The following BIRC2 variants were observed in gnomAD, a reference collection of about 807,000 sequenced individuals.
The protein encoded by BIRC2 is baculoviral IAP repeat containing 2.
In BIRC2, 18 loss-of-function variants were observed where a neutral mutation model predicts 60.9. The observed-to-expected ratio is 0.30, with a 90% CI of 0.20 to 0.44. The LOEUF is 0.44. BIRC2 is among the 20% of genes least tolerant of loss of function. The probability of loss-of-function intolerance (pLI) is 1.00; values close to 1 mark genes in which losing one functional copy is unlikely to be tolerated. For synonymous variants in BIRC2, 282 were observed against 247.7 expected, an observed-to-expected ratio of 1.14 and a Z score of -1.30; for missense variants, 701 against 728.5, an observed-to-expected ratio of 0.96 and a Z score of 0.43.
Position 102,350,495 on chromosome 11 carries a change from C to G in BIRC2, c.641C>G (p.Pro214Arg). 1.2e-6 allele frequency: 2 copies of G among 1,614,140 alleles called. No individual in the cohort carries two copies. Among genetic ancestry groups the G allele is most frequent in the Non-Finnish European group, 1.7e-6 (2 of 1,180,038 alleles). ...AGAGCTGGTTTTTATTATATAGGAC[C>G]TGGAGATAGGGTAGCCTGCTTTGCC... The part of the protein sequence containing the change: ...LARAGFYYIG[P>R]GDRVACFACG... The change falls in exon 2 of 9, where the codon CCT becomes CGT. Residue 214 changes from proline (P) to arginine (R), a missense_variant. Around this residue, in one of 4 missense-constraint regions of BIRC2, gnomAD observed 375 missense variants for 365.9 expected, o/e 1.02. Coordinates refer to ENST00000227758, the MANE Select transcript of BIRC2 (RefSeq NM_001166.5).
At chr11:102,364,174 T>TGTATATATAC (rs1951522988) in intron 5 of BIRC2, among the ~76,000 whole-genome samples, 1 of 78,120 alleles carries the variant, frequency 1.3e-5, no homozygotes. Flanking sequence ...TATATATATA[T>TGTATATATAC]ACACACACAC....
At chr11:102,352,882 G>A (rs985755754) in intron 3 of BIRC2, among the ~76,000 whole-genome samples, 7 of 151,966 alleles carry the variant, frequency 4.6e-5, no homozygotes, top group African/African-American at 1.7e-4. Flanking sequence ...AAAAGTTTTC[G>A]TCATTTTGTA....
chr11:102,351,636 AAG>A (rs1555046372), intron 3 of BIRC2, among the ~76,000 whole-genome samples: 3 of 149,750 alleles, frequency 2.0e-5, no homozygotes, highest in East Asian at 1.9e-4. Context: ...AAAAAAAAAA[AAG>A]AAAAAAGCAT....
chr11:102,377,890 A>G lies in BIRC2; in HGVS notation c.1655A>G (p.Asp552Gly). The G allele has an allele frequency of 6.2e-7, 1 of 1,611,032 alleles. No individual in the cohort carries two copies. The highest frequency in any genetic ancestry group is 1.1e-5 in the South Asian group (1 of 90,076). The change falls in exon 8 of 9, where the codon GAT becomes GGT. Residue 552 changes from aspartate to glycine, a missense_variant. Physicochemically the swap from Asp to Gly is moderately conservative, Grantham distance 94. Coordinates refer to ENST00000227758, the MANE Select transcript of BIRC2 (RefSeq NM_001166.5). ...DKNMKYIPTEDVSGLSLEEQL... is the reference protein window; with the variant it reads ...DKNMKYIPTEGVSGLSLEEQL... ...AATATGAAGTATATTCCAACAGAAG[A>G]TGTTTCAGGTAAAACAAAGATTTAA...
At chr11:102,364,170 TATATAC>T (rs1297858586) in intron 5 of BIRC2, among the ~76,000 whole-genome samples, 1 of 88,686 alleles carries the variant, frequency 1.1e-5, no homozygotes, top group African/African-American at 5.9e-5. Context: ...TATATATATA[TATATAC>T]ACACACACAC....
At chr11:102,362,218 A>G (rs925308453) in intron 3 of BIRC2, among the ~76,000 whole-genome samples, 2 of 151,900 alleles carry the variant, frequency 1.3e-5, no homozygotes, top group Admixed American at 6.6e-5. Context: ...CATTTTTACT[A>G]TTTTTGCATA....
chr11:102,371,562 G>A (rs1291080302), intron 6 of BIRC2, among the ~76,000 whole-genome samples: 9 of 147,386 alleles, frequency 6.1e-5, no homozygotes, highest in Admixed American at 2.0e-4. Context: ...TGCTGGATTC[G>A]TTTTGCCAGT....
At chr11:102,361,113 G>A (rs978916139) in intron 3 of BIRC2, among the ~76,000 whole-genome samples, 2 of 151,908 alleles carry the variant, frequency 1.3e-5, no homozygotes, top group African/African-American at 4.8e-5. Context: ...TGTGTTGGTG[G>A]AGGTGGCAGC....
rs1235055086 is a variant in BIRC2 at position 102,368,407 on chromosome 11, G to A, written c.1225G>A (p.Val409Met). ...ALEMGFNRDL[V>M]KQTVQSKILT... ...GGAAATGGGCTTTAATAGAGACCTG[G>A]TGAAACAAACAGTTCAAAGTAAAAT... The change falls in exon 6 of 9, where the codon GTG (valine) becomes ATG (methionine). Residue 409 changes from valine to methionine, a missense_variant. This residue lies in a region of BIRC2 where 235 missense variants were observed against 208.9 expected (regional missense o/e 1.12). Coordinates refer to ENST00000227758, the MANE Select transcript of BIRC2 (RefSeq NM_001166.5). 1 of 1,614,012 alleles carries A rather than the reference G, an allele frequency of 6.2e-7. No homozygotes were observed. Among genetic ancestry groups the A allele is most frequent in the Admixed American group, 1.7e-5 (1 of 60,022 alleles).
At chr11:102,364,667 G>A (rs1234434807) in intron 5 of BIRC2, among the ~76,000 whole-genome samples, 1 of 152,194 alleles carries the variant, frequency 6.6e-6, no homozygotes, top group Non-Finnish European at 1.5e-5. Context: ...AGCATTTCAA[G>A]AAAGATTGGC....
At chr11:102,362,524 G>T (rs1315341925) in intron 3 of BIRC2, among the ~76,000 whole-genome samples, 1 of 152,196 alleles carries the variant, frequency 6.6e-6, no homozygotes, top group Non-Finnish European at 1.5e-5. Flanking sequence ...TATTGTGAAA[G>T]ATCACATTTT....
At chr11:102,358,709 C>T (rs1951450524) in intron 3 of BIRC2, among the ~76,000 whole-genome samples, 1 of 152,168 alleles carries the variant, frequency 6.6e-6, no homozygotes, top group African/African-American at 2.4e-5. Flanking sequence ...TGGCCCCTTT[C>T]TCATTATATA....
Position 102,378,289 on chromosome 11 carries a change from A to G in BIRC2, c.*106A>G, listed in dbSNP as rs1375892534. On this transcript the variant is annotated 3_prime_UTR_variant, in exon 9 of 9. Transcript: ENST00000227758. ...GGGAATTATGAGTTTTTCAATTAGT[A>G]ACATTCATGTTCTAGTCTGCTTTGG... 1.0e-5 allele frequency: 9 copies of G among 873,948 alleles called. No homozygotes were observed. In the African/African-American group the frequency reaches 1.2e-4, roughly 12 times the overall value. 54.1% of individuals were successfully genotyped at this position (873,948 alleles called of 1,614,324 possible).
chr11:102,354,297 C>A (rs1214358471), intron 3 of BIRC2, among the ~76,000 whole-genome samples: 1 of 152,170 alleles, frequency 6.6e-6, no homozygotes, highest in Non-Finnish European at 1.5e-5. Flanking sequence ...GCAATCTCCA[C>A]CTCCTGGCTT....
Position 102,349,846 on chromosome 11 carries a change from C to T in BIRC2, c.-9C>T, listed in dbSNP as rs1951333176. The T allele has an allele frequency of 2.5e-6, 4 of 1,590,800 alleles. No individual in the cohort carries two copies. The highest frequency in any genetic ancestry group is 3.4e-6 in the Non-Finnish European group (4 of 1,168,236). On this transcript the variant is annotated 5_prime_UTR_variant, in exon 2 of 9. Coordinates refer to ENST00000227758, the MANE Select transcript of BIRC2 (RefSeq NM_001166.5). ...TGTTTTAGCTATCAAACAGTACTGT[C>T]ACCTACTCATGCACAAAACTGCCTC...
intron 6 of BIRC2, among the ~76,000 whole-genome samples, chr11:102,369,537 G>C (rs1054821727): frequency 6.7e-5 from 10 of 148,610 alleles, no homozygotes; most frequent in Non-Finnish European, 1.5e-4. Context: ...GTGTATATGT[G>C]CCACATTTTC....
At chr11:102,377,251 C>G (rs765093242) in intron 6 of BIRC2, among the ~76,000 whole-genome samples, 6 of 152,118 alleles carry the variant, frequency 3.9e-5, no homozygotes, top group African/African-American at 7.2e-5. Context: ...CTACAAATCT[C>G]TTGCAACAAA....
intron 3 of BIRC2, among the ~76,000 whole-genome samples, chr11:102,353,227 T>G (rs1029014926): frequency 2.0e-5 from 3 of 152,218 alleles, no homozygotes; most frequent in Non-Finnish European, 2.9e-5. Context: ...AATCAAAATC[T>G]TTATTTTTGT....
At chr11:102,364,184 CACAGAGAG>C (rs1275446167) in intron 5 of BIRC2, among the ~76,000 whole-genome samples, 11 of 104,022 alleles carry the variant, frequency 1.1e-4, no homozygotes, top group South Asian at 3.3e-4. Context: ...TACACACACA[CACAGAGAG>C]AGAGAGAGAG....
Sources: allele counts gnomAD v4.1 joint callset (sites outside exome capture counted in the v4.1 genomes callset), GRCh38; gene constraint gnomAD v4.1.1; regional missense constraint gnomAD v4.1.1; transcripts MANE v1.5; gene names NCBI Gene and HGNC (gene_info 2026-07-23, HGNC 2026-07-21).